The following ALKBH8 variants were observed in gnomAD, a reference collection of about 807,000 sequenced individuals.
ALKBH8 encodes the protein alkB homolog 8, tRNA methyltransferase.
Under a neutral mutation model 59.8 loss-of-function variants are expected in ALKBH8, and 36 were observed. The ratio of observed to expected loss-of-function variants is 0.60; its 90% CI spans 0.46 to 0.79. The LOEUF (loss-of-function observed/expected upper bound fraction) is 0.79. Among genes scored for constraint, ALKBH8 ranks in the 30% least tolerant of loss-of-function variants. ALKBH8 has a pLI of 0.00. For synonymous variants in ALKBH8, 276 were observed against 273.6 expected, an observed-to-expected ratio of 1.01 and a Z score of -0.09; for missense variants, 768 against 801.0, an observed-to-expected ratio of 0.96 and a Z score of 0.50.
chr11:107,532,194 C>A, intron 8 of ALKBH8, 106 bp downstream of exon 8: 3 of 854,192 alleles, frequency 3.5e-6, no homozygotes, highest in East Asian at 2.8e-5. Context: ...AGTTCTGAAC[C>A]CAGAAGCCTC....
chr11:107,533,532 G>A (rs923783028), intron 7 of ALKBH8, among the ~76,000 whole-genome samples: 2 of 152,144 alleles, frequency 1.3e-5, no homozygotes, highest in Non-Finnish European at 2.9e-5. Flanking sequence ...ATAAAGTCAT[G>A]TGATAGAGTT....
chr11:107,504,942 T>C lies in ALKBH8; in HGVS notation c.1711A>G (p.Arg571Gly). The C allele has an allele frequency of 6.4e-7, 1 of 1,551,920 alleles. No individual in the cohort carries two copies. Among genetic ancestry groups the C allele is most frequent in the Non-Finnish European group, 8.7e-7 (1 of 1,146,976 alleles). ...NDSQEGGCNS[R>G]QVSNSKLPVH... The stretch of plus-strand genomic sequence containing the variant: ...GGCAGCTTGGAATTAGAAACTTGCC[T>C]TGAATTACATCCTCCTTCCTGAGAG... The change falls in exon 12 of 12, where the codon AGG (arginine) becomes GGG (glycine). Residue 571 changes from arginine to glycine, a missense_variant. Coordinates refer to ENST00000428149, the MANE Select transcript of ALKBH8 (RefSeq NM_138775.3).
intron 7 of ALKBH8, among the ~76,000 whole-genome samples, chr11:107,548,512 TAAA>T (rs1305439778): frequency 6.6e-6 from 1 of 152,098 alleles, no homozygotes; most frequent in African/African-American, 2.4e-5. Flanking sequence ...GGGGTAAAAA[TAAA>T]AAAGAAACCA....
intron 8 of ALKBH8, 72 bp downstream of exon 8, chr11:107,532,227 TC>T: frequency 8.1e-7 from 1 of 1,240,440 alleles, no homozygotes; most frequent in Non-Finnish European, 1.1e-6. Context: ...CAGGGCATGG[TC>T]CCCGTGGCTC....
intron 6 of ALKBH8, among the ~76,000 whole-genome samples, chr11:107,550,956 G>A (rs1286579139): frequency 1.3e-5 from 2 of 152,090 alleles, no homozygotes; most frequent in Non-Finnish European, 2.9e-5. Flanking sequence ...CATTTCTGTT[G>A]TTTAAGCCAA....
At chr11:107,506,896 G>A (rs1862411647) in intron 11 of ALKBH8, among the ~76,000 whole-genome samples, 1 of 152,110 alleles carries the variant, frequency 6.6e-6, no homozygotes, top group African/African-American at 2.4e-5. Context: ...AAATATAAAT[G>A]AAGGTTGAGA....
chr11:107,510,012 T>G (rs1862556215), intron 11 of ALKBH8, among the ~76,000 whole-genome samples: 2 of 152,196 alleles, frequency 1.3e-5, no homozygotes, highest in Admixed American at 1.3e-4. Flanking sequence ...CAAGCCTTCC[T>G]CTATTTGCAG....
Position 107,565,730 on chromosome 11 carries a change from A to G in ALKBH8, c.-136T>C. 1 of 1,469,652 alleles carries G rather than the reference A, an allele frequency of 6.8e-7. No individual in the cohort carries two copies. Among genetic ancestry groups the G allele is most frequent in the Non-Finnish European group, 9.2e-7 (1 of 1,086,678 alleles). The allele number at this position is 1,469,652 out of a possible 1,614,324, so 91.0% of individuals were successfully genotyped here. ...TCCCCTGGGCGCGGCCATGTTGGAG[A>G]AAACTGCACTACATTTCCCATGAGC... On this transcript the variant is annotated 5_prime_UTR_variant, in exon 1 of 12. Transcript: ENST00000428149.
At chr11:107,560,926 G>C (rs1283653217) in intron 1 of ALKBH8, 27 bp from the exon 2 acceptor site, 1 of 1,590,700 alleles carries the variant, frequency 6.3e-7, no homozygotes, top group South Asian at 1.1e-5. Flanking sequence ...CAGTAAAAAA[G>C]TCAACCTTAA....
intron 3 of ALKBH8, among the ~76,000 whole-genome samples, chr11:107,556,148 C>T (rs1048333263): frequency 6.6e-6 from 1 of 152,058 alleles, no homozygotes; most frequent in Non-Finnish European, 1.5e-5. Flanking sequence ...CATGGTGGCA[C>T]ATGCCTGTAA....
chr11:107,564,612 T>C (rs1865058807), intron 1 of ALKBH8, among the ~76,000 whole-genome samples: 1 of 152,180 alleles, frequency 6.6e-6, no homozygotes, highest in Non-Finnish European at 1.5e-5. Flanking sequence ...TTGAAGTTAG[T>C]AGCTATTTAA....
chr11:107,508,345 G>C (rs1862481132), intron 11 of ALKBH8, among the ~76,000 whole-genome samples: 1 of 151,922 alleles, frequency 6.6e-6, no homozygotes, highest in South Asian at 2.1e-4. Context: ...GATAACTTTT[G>C]TATTTTTAGT....
At chr11:107,557,803 AT>A (rs1329036408) in intron 2 of ALKBH8, among the ~76,000 whole-genome samples, 1 of 152,160 alleles carries the variant, frequency 6.6e-6, no homozygotes, top group Non-Finnish European at 1.5e-5. Context: ...GGAGTCTCTT[AT>A]TTTTATTCTG....
chr11:107,511,318 T>C (rs190711555), intron 10 of ALKBH8, among the ~76,000 whole-genome samples: 40 of 152,258 alleles, frequency 2.6e-4, no homozygotes, highest in Admixed American at 2.6e-4. Flanking sequence ...GGTCCAAATA[T>C]ACAGCTAATT....
At chr11:107,506,598 T>C (rs1281823768) in intron 11 of ALKBH8, among the ~76,000 whole-genome samples, 2 of 152,070 alleles carry the variant, frequency 1.3e-5, no homozygotes, top group African/African-American at 4.8e-5. Context: ...CAAAGATAAG[T>C]ATTAAACTAT....
Position 107,502,962 on chromosome 11 carries a change from C to T in ALKBH8, c.*1696G>A, listed in dbSNP as rs1176071637. 2 of 152,152 alleles carry T rather than the reference C, an allele frequency of 1.3e-5. No homozygotes were observed. Among genetic ancestry groups the T allele is most frequent in the African/African-American group, 4.8e-5 (2 of 41,446 alleles). 9.4% of individuals were successfully genotyped at this position (152,152 alleles called of 1,614,324 possible). A position where few individuals can be genotyped will look rare whatever the true frequency, so the allele number is the denominator to read the frequency against. On this transcript the variant is annotated 3_prime_UTR_variant, in exon 12 of 12. Coordinates refer to ENST00000428149, the MANE Select transcript of ALKBH8 (RefSeq NM_138775.3). Reference sequence around the variant, plus strand: ...GTCAAGAAATTTGCCCAAAATCCCACAGCTAATAAATGGCAGATCTAGAAT... The same window carrying T: ...GTCAAGAAATTTGCCCAAAATCCCATAGCTAATAAATGGCAGATCTAGAAT...
rs527479945 is a variant in ALKBH8 at position 107,517,856 on chromosome 11, T to C, written c.1287+4443A>G. Among the ~76,000 whole-genome samples the C allele has an allele frequency of 5.9e-5, 9 of 152,340 alleles. No homozygotes were observed. In the South Asian group the frequency reaches 8.3e-4, roughly 14 times the overall value. ...GATCTACTGTACAACATGGTGACTG[T>C]AGTTAACAACATGTATTGTATTCTT... On this transcript the variant is annotated intron_variant, in intron 10 of 11. Coordinates refer to ENST00000428149, the MANE Select transcript of ALKBH8 (RefSeq NM_138775.3).
chr11:107,531,361 C>A (rs1325943490), intron 8 of ALKBH8, among the ~76,000 whole-genome samples: 2 of 152,094 alleles, frequency 1.3e-5, no homozygotes, highest in East Asian at 3.8e-4. Context: ...AGAGATGTAT[C>A]CCTAGCAGAA....
chr11:107,515,898 T>C (rs974966723), intron 10 of ALKBH8, among the ~76,000 whole-genome samples: 2 of 152,204 alleles, frequency 1.3e-5, no homozygotes, highest in African/African-American at 4.8e-5. Flanking sequence ...AAAGAGCAAT[T>C]AGGCAAACCA....
Sources: allele counts gnomAD v4.1 joint callset (sites outside exome capture counted in the v4.1 genomes callset), GRCh38; gene constraint gnomAD v4.1.1; transcripts MANE v1.5; gene names NCBI Gene and HGNC (gene_info 2026-07-23, HGNC 2026-07-21).